Variants in LTBP1 observed in about 807,000 individuals in gnomAD.
LTBP1 encodes latent transforming growth factor beta binding protein 1.
A neutral mutation model predicts 207.6 loss-of-function variants in LTBP1; 129 were observed. The ratio of observed to expected loss-of-function variants is 0.62; its 90% CI spans 0.54 to 0.72. The LOEUF is 0.72. LTBP1 is among the 30% of genes least tolerant of loss of function. The probability of loss-of-function intolerance (pLI) is 0.00; values close to 1 mark genes in which losing one functional copy is unlikely to be tolerated. For missense variants in LTBP1, 2,281 were observed against 2,217.2 expected, an observed-to-expected ratio of 1.03 and a Z score of -0.58; for synonymous variants, 963 against 833.7, an observed-to-expected ratio of 1.16 and a Z score of -2.67.
At chr2:32,959,670 T>C (rs1174455733) in intron 2 of LTBP1, among the ~76,000 whole-genome samples, 1 of 140,410 alleles carries the variant, frequency 7.1e-6, no homozygotes, top group Non-Finnish European at 1.5e-5. Context: ...GCCCAGGCTC[T>C]AGTGCAGTGG....
intron 5 of LTBP1, among the ~76,000 whole-genome samples, chr2:33,172,156 A>C (rs1392176384): frequency 6.6e-6 from 1 of 152,214 alleles, no homozygotes; most frequent in Non-Finnish European, 1.5e-5. Context: ...CACACATAAC[A>C]ATATTAACTT....
chr2:33,363,459 G>C lies in LTBP1; in HGVS notation c.4340G>C (p.Gly1447Ala). 1 of 1,613,858 alleles carries C rather than the reference G, an allele frequency of 6.2e-7. No homozygotes were observed. The highest frequency in any genetic ancestry group is 8.5e-7 in the Non-Finnish European group (1 of 1,179,850). Reference sequence around the variant, plus strand: ...GGTTTCTGTTTGAACACTCGGCCTGGGTATGAATGCTACTGTAAGCAAGGG... The same window carrying C: ...GGTTTCTGTTTGAACACTCGGCCTGCGTATGAATGCTACTGTAAGCAAGGG... ...KNGFCLNTRP[G>A]YECYCKQGTY... is the part of the protein sequence containing the mutation. The change falls in exon 29 of 34, where the codon GGG becomes GCG. Residue 1447 changes from glycine to alanine, a missense_variant. Gly to Ala is a moderately conservative substitution (Grantham distance 60). Coordinates refer to ENST00000404816, the MANE Select transcript of LTBP1 (RefSeq NM_206943.4).
At chr2:33,035,526 C>T (rs973035299) in intron 3 of LTBP1, among the ~76,000 whole-genome samples, 1 of 152,154 alleles carries the variant, frequency 6.6e-6, no homozygotes, top group African/African-American at 2.4e-5. Flanking sequence ...ATTTTATAGT[C>T]TACTGTATTT....
At chr2:33,055,311 G>C (rs1366643552) in intron 3 of LTBP1, among the ~76,000 whole-genome samples, 1 of 152,096 alleles carries the variant, frequency 6.6e-6, no homozygotes, top group African/African-American at 2.4e-5. Context: ...TTTTCTTAAG[G>C]CCTCCCATAG....
intron 3 of LTBP1, among the ~76,000 whole-genome samples, chr2:33,075,406 A>G (rs576366450): frequency 6.6e-6 from 1 of 152,352 alleles, no homozygotes; most frequent in South Asian, 2.1e-4. Flanking sequence ...CTAACTTGAC[A>G]TTCCAATATT....
At chr2:33,139,349 A>T (rs1454137665) in intron 5 of LTBP1, among the ~76,000 whole-genome samples, 1 of 152,186 alleles carries the variant, frequency 6.6e-6, no homozygotes, top group African/African-American at 2.4e-5. Context: ...CCATATATTA[A>T]GTGACTATGT....
intron 9 of LTBP1, among the ~76,000 whole-genome samples, chr2:33,239,368 T>C (rs954859339): frequency 1.3e-5 from 2 of 152,204 alleles, no homozygotes; most frequent in Admixed American, 6.5e-5. Context: ...ATGTGGGTGC[T>C]GAGCCCCTTC....
intron 2 of LTBP1, among the ~76,000 whole-genome samples, chr2:33,005,578 G>A (rs1272496811): frequency 2.0e-5 from 3 of 150,976 alleles, no homozygotes; most frequent in African/African-American, 7.3e-5. Flanking sequence ...CAAGAGAGAG[G>A]GAACATAAGC....
intron 24 of LTBP1, among the ~76,000 whole-genome samples, chr2:33,341,493 C>T (rs1227094045): frequency 1.3e-5 from 2 of 151,766 alleles, no homozygotes; most frequent in South Asian, 2.1e-4. Flanking sequence ...GGGCAGATCA[C>T]GAGGTCAGGA....
chr2:33,373,110 T>C (rs2095090207), intron 31 of LTBP1, among the ~76,000 whole-genome samples: 1 of 152,198 alleles, frequency 6.6e-6, no homozygotes, highest in Admixed American at 6.5e-5. Flanking sequence ...AACAAAGACT[T>C]GATAAACGGG....
chr2:33,338,482 C>A (rs2094578147), intron 24 of LTBP1, among the ~76,000 whole-genome samples: 1 of 152,230 alleles, frequency 6.6e-6, no homozygotes, highest in South Asian at 2.1e-4. Flanking sequence ...TCCTTCCACT[C>A]ATTTTAGTAG....
Position 33,188,575 on chromosome 2 carries a change from A to G in LTBP1, c.1427-2A>G. ...ACAAGTTTTCCTCCCAATCTGTTGT[A>G]GTGAAATTTCCTCCTAACATAGTCA... is the stretch of plus-strand genomic sequence containing the variant. On this transcript the variant is annotated splice_acceptor_variant, in intron 6 of 33. Transcript: ENST00000404816. LOFTEE classifies it high-confidence loss of function. 3.1e-6 allele frequency: 5 copies of G among 1,607,414 alleles called. No homozygotes were observed. Among genetic ancestry groups the G allele is most frequent in the African/African-American group, 1.3e-5 (1 of 74,830 alleles).
At chr2:33,379,650 T>C (rs2095190192) in intron 31 of LTBP1, among the ~76,000 whole-genome samples, 1 of 152,246 alleles carries the variant, frequency 6.6e-6, no homozygotes, top group South Asian at 2.1e-4. Flanking sequence ...CATCTCAGAT[T>C]GAAGTAAATG....
chr2:33,310,483 G>A (rs749976187), intron 23 of LTBP1, among the ~76,000 whole-genome samples: 20 of 152,032 alleles, frequency 1.3e-4, no homozygotes, highest in Non-Finnish European at 2.6e-4. Flanking sequence ...GTATCTCTTC[G>A]AATTCTTACA....
At chr2:32,977,951 AGGT>A (rs1682085228) in intron 2 of LTBP1, among the ~76,000 whole-genome samples, 1 of 151,978 alleles carries the variant, frequency 6.6e-6, no homozygotes, top group Non-Finnish European at 1.5e-5. Flanking sequence ...GTTAATTCCT[AGGT>A]ATTTTATTTT....
chr2:33,033,743 G>T (rs2075792833), intron 3 of LTBP1, among the ~76,000 whole-genome samples: 1 of 151,912 alleles, frequency 6.6e-6, no homozygotes, highest in South Asian at 2.1e-4. Flanking sequence ...ATGCACACTA[G>T]AAAATAGTGC....
At chr2:33,036,569 T>A (rs942642680) in intron 3 of LTBP1, among the ~76,000 whole-genome samples, 8 of 152,052 alleles carry the variant, frequency 5.3e-5, no homozygotes, top group Admixed American at 3.9e-4. Flanking sequence ...GCTATTCTCC[T>A]GCCTTAGCCT....
At chr2:33,071,870 C>G (rs1020249732) in intron 3 of LTBP1, among the ~76,000 whole-genome samples, 1 of 152,208 alleles carries the variant, frequency 6.6e-6, no homozygotes, top group African/African-American at 2.4e-5. Context: ...ACTATACTCT[C>G]ACAAAGCAAA....
intron 3 of LTBP1, among the ~76,000 whole-genome samples, chr2:33,082,512 T>C (rs2078496951): frequency 7.2e-6 from 1 of 138,194 alleles, no homozygotes; most frequent in African/African-American, 2.7e-5. Context: ...GCAGGTGCGA[T>C]CTCGGCTCAC....
Sources: gnomAD v4.1 joint callset for allele counts (sites outside exome capture counted in the v4.1 genomes callset) on GRCh38, gnomAD v4.1.1 for gene constraint, MANE v1.5 for transcripts, NCBI Gene and HGNC (gene_info 2026-07-23, HGNC 2026-07-21) for gene names.